Variants in BCAP29 observed in about 807,000 individuals in gnomAD.
BCAP29 encodes the protein B cell receptor associated protein 29.
A neutral mutation model predicts 31.8 loss-of-function variants in BCAP29; 34 were observed. The observed-to-expected ratio is 1.07, with a 90% confidence interval of 0.81 to 1.42. BCAP29 has a LOEUF of 1.42. BCAP29 is among the 40% of genes most tolerant of loss of function. BCAP29 has a pLI of 0.00. For synonymous variants in BCAP29, 104 were observed against 91.3 expected (o/e 1.14, Z -0.79); for missense variants, 314 against 269.2 (o/e 1.17, Z -1.16).
At chr7:107,584,567 G>A (rs117056527) in intron 3 of BCAP29, among the ~76,000 whole-genome samples, 1,773 of 152,240 alleles carry the variant, frequency 0.012, 15 homozygotes, top group Non-Finnish European at 0.018. Context: ...AATTAGCCAG[G>A]TGTGGTGATG....
intron 3 of BCAP29, among the ~76,000 whole-genome samples, chr7:107,591,099 C>CA (rs1441259083): frequency 1.3e-5 from 2 of 151,804 alleles, no homozygotes; most frequent in African/African-American, 4.9e-5. Flanking sequence ...CAGAAAACTA[C>CA]AAAAACATTG....
At chr7:107,616,509 A>G (rs547532759) in intron 7 of BCAP29, 1 of 152,338 alleles carries the variant, frequency 6.6e-6, no homozygotes, top group South Asian at 2.1e-4. Context: ...CTCATTTGAC[A>G]TCTATGCTCC....
chr7:107,580,396 C>T, intron 1 of BCAP29, 95 bp downstream of exon 1: 1 of 221,002 alleles, frequency 4.5e-6, no homozygotes, highest in South Asian at 6.4e-5. Context: ...GCTGGCCTGG[C>T]CCGACCCGGC....
chr7:107,622,648 C>G (rs1436694470), downstream of BCAP29: 1 of 152,206 alleles, frequency 6.6e-6, no homozygotes, highest in Non-Finnish European at 1.5e-5. Flanking sequence ...CACAGTAAAT[C>G]AGTAGTTCTC....
chr7:107,619,026 C>T lies in BCAP29; in HGVS notation c.*663C>T, dbSNP rs1305614919. The T allele has an allele frequency of 2.6e-5, 4 of 153,850 alleles. No individual in the cohort carries two copies. Among genetic ancestry groups the T allele is most frequent in the Non-Finnish European group, 5.8e-5 (4 of 69,028 alleles). 9.5% of individuals were successfully genotyped at this position (153,850 alleles called of 1,614,324 possible). A position where few individuals can be genotyped will look rare whatever the true frequency, so the allele number is the denominator to read the frequency against. ...TAACACATAATTAGTAACCACTCTACTGTTTCAAGTTAATCTAGTAATAGA... is the reference window on the plus strand; with the variant it reads ...TAACACATAATTAGTAACCACTCTATTGTTTCAAGTTAATCTAGTAATAGA... On this transcript the variant is annotated 3_prime_UTR_variant, in exon 8 of 8. Coordinates refer to ENST00000005259, the MANE Select transcript of BCAP29 (RefSeq NM_018844.4).
intron 7 of BCAP29, among the ~76,000 whole-genome samples, chr7:107,617,845 CTT>C (rs145145344): frequency 0.043 from 6,540 of 152,204 alleles, 455 homozygotes; most frequent in African/African-American, 0.15. Context: ...CAAGTGATCT[CTT>C]AAGATTAATT....
chr7:107,593,908 T>C, intron 3 of BCAP29, 47 bp from the exon 4 acceptor site: 1 of 1,540,508 alleles, frequency 6.5e-7, no homozygotes, highest in Non-Finnish European at 8.7e-7. Context: ...TTAACAAGCT[T>C]ATATTCGTAA....
chr7:107,594,294 T>C (rs1192296199), intron 4 of BCAP29, 189 bp downstream of exon 4: 1 of 559,832 alleles, frequency 1.8e-6, no homozygotes, highest in Non-Finnish European at 3.1e-6. Flanking sequence ...GTTCAAGTGA[T>C]CCTGCCTCTT....
At chr7:107,594,331 C>T (rs552347877) in intron 4 of BCAP29, 20 of 493,910 alleles carry the variant, frequency 4.0e-5, no homozygotes, top group African/African-American at 7.7e-5. Flanking sequence ...GGACTACAGG[C>T]GGCACACCAC....
intron 6 of BCAP29, among the ~76,000 whole-genome samples, chr7:107,605,116 G>A (rs1280609991): frequency 1.3e-5 from 2 of 152,118 alleles, no homozygotes; most frequent in Non-Finnish European, 2.9e-5. Flanking sequence ...CCATTTAGTT[G>A]TGATGTTTCC....
chr7:107,604,641 AAC>A (rs1460871479), intron 6 of BCAP29, among the ~76,000 whole-genome samples: 3 of 151,808 alleles, frequency 2.0e-5, no homozygotes, highest in African/African-American at 4.8e-5. Flanking sequence ...AATGCTTAAA[AAC>A]AGTTTGCTGT....
chr7:107,588,339 A>G (rs1808085783), intron 3 of BCAP29, among the ~76,000 whole-genome samples: 1 of 152,206 alleles, frequency 6.6e-6, no homozygotes, highest in South Asian at 2.1e-4. Context: ...TGGTAGTTGC[A>G]CAGCATTGTG....
intron 3 of BCAP29, among the ~76,000 whole-genome samples, chr7:107,584,345 A>G: frequency 6.6e-6 from 1 of 152,180 alleles, no homozygotes; most frequent in Non-Finnish European, 1.5e-5. Context: ...TAGAAAGGCA[A>G]ATAAAAGAAT....
downstream of BCAP29, chr7:107,620,756 A>G (rs1814888750): frequency 6.6e-6 from 1 of 152,184 alleles, no homozygotes; most frequent in African/African-American, 2.4e-5. Context: ...AGTGCTGCTA[A>G]TTAGATTCAT....
At position 107,601,762 on chromosome 7, in the gene BCAP29, A is replaced by C. The variant is rs536469782; in HGVS notation, c.589+1257A>C. ...ATATTGCTACCAATTCTTTTGAAGA[A>C]TGAAACCATCTATTTCCAAAACACA... On this transcript the variant is annotated intron_variant, in intron 6 of 7. Coordinates refer to ENST00000005259, the MANE Select transcript of BCAP29 (RefSeq NM_018844.4). Among the ~76,000 whole-genome samples the C allele has an allele frequency of 2.0e-3, 307 of 152,350 alleles. 1 individual carries two copies. Among genetic ancestry groups the C allele is most frequent in the Non-Finnish European group, 3.3e-3 (225 of 68,022 alleles).
Position 107,612,394 on chromosome 7 carries a change from TATA to T in BCAP29, c.590-937_590-935del, listed in dbSNP as rs1563141209. Among the ~76,000 whole-genome samples the T allele has an allele frequency of 9.8e-3, 91 of 9,296 alleles. 1 individual carries two copies. Among genetic ancestry groups the T allele is most frequent in the African/African-American group, 0.031 (85 of 2,738 alleles). 6.1% of individuals were successfully genotyped at this position (9,296 alleles called of 152,430 possible). On this transcript the variant is annotated intron_variant, in intron 6 of 7. Coordinates refer to ENST00000005259, the MANE Select transcript of BCAP29 (RefSeq NM_018844.4). The stretch of plus-strand genomic sequence containing the variant: ...ACCTTCTTCACAATGTATTGTTTTA[TATA>T]TATATATATATATATATATATATAT...
chr7:107,610,107 C>T (rs1413204852), intron 6 of BCAP29, among the ~76,000 whole-genome samples: 1 of 152,212 alleles, frequency 6.6e-6, no homozygotes, highest in Admixed American at 6.5e-5. Context: ...CTTGGAAAGA[C>T]AACAAATGTT....
chr7:107,599,324 T>TAA lies in BCAP29; in HGVS notation c.481-1071_481-1070dup, dbSNP rs1396297653. On this transcript the variant is annotated intron_variant, in intron 5 of 7. Coordinates refer to ENST00000005259, the MANE Select transcript of BCAP29 (RefSeq NM_018844.4). ...TATATAAATTTTATATATATATATATAAATATATATATGCACACATATATA... is the reference window on the plus strand; with the variant it reads ...TATATAAATTTTATATATATATATATAAAAATATATATATGCACACATATATA... Among the ~76,000 whole-genome samples, 12 of 127,744 alleles carry TAA rather than the reference T, an allele frequency of 9.4e-5. 1 individual carries two copies. The South Asian group carries it at 1.2e-3, about 12-fold the overall frequency. 83.8% of individuals were successfully genotyped at this position (127,744 alleles called of 152,430 possible). A position where few individuals can be genotyped will look rare whatever the true frequency, so the allele number is the denominator to read the frequency against.
At position 107,594,047 on chromosome 7, in the gene BCAP29, A is replaced by C. The variant is rs139180117; in HGVS notation, c.286A>C (p.Lys96Gln). The part of the protein sequence containing the change: ...RPDAYEHTQM[K>Q]LFRSQRNLYI... ...TGATGCCTATGAACACACACAGATG[A>C]AACTTTTTAGGTCTCAAAGAAATCT... Residue 96 changes from lysine (K) to glutamine (Q), a missense_variant, in exon 4 of 8, where the codon AAA (lysine) becomes CAA (glutamine). Transcript: ENST00000005259. 6.2e-7 allele frequency: 1 copy of C among 1,613,840 alleles called. No homozygotes were observed. The highest frequency in any genetic ancestry group is 1.7e-5 in the Admixed American group (1 of 60,000).
Sources: gnomAD v4.1 joint callset for allele counts (sites outside exome capture counted in the v4.1 genomes callset) on GRCh38, gnomAD v4.1.1 for gene constraint, MANE v1.5 for transcripts, NCBI Gene and HGNC (gene_info 2026-07-23, HGNC 2026-07-21) for gene names.